DENND5B: variants seen among roughly 807,000 people sequenced by gnomAD.
DENND5B encodes DENN domain containing 5B.
In DENND5B, 34 loss-of-function variants were observed where a neutral mutation model predicts 140.6. That is an observed-to-expected ratio of 0.24 (90% CI 0.18 to 0.32). The LOEUF (loss-of-function observed/expected upper bound fraction) is 0.32. DENND5B is among the 10% of genes least tolerant of loss of function. The pLI is 1.00. For synonymous variants in DENND5B, 551 were observed against 562.1 expected (o/e 0.98, Z 0.28); for missense variants, 1,142 against 1,560.2 (o/e 0.73, Z 4.52).
intron 3 of DENND5B, among the ~76,000 whole-genome samples, chr12:31,466,196 C>T (rs915489391): frequency 2.7e-5 from 4 of 150,010 alleles, no homozygotes; most frequent in Admixed American, 1.3e-4. Context: ...CTACTAAAAA[C>T]ACAAAAATTA....
intron 2 of DENND5B, among the ~76,000 whole-genome samples, chr12:31,483,439 C>T (rs1210759161): frequency 1.3e-5 from 2 of 151,320 alleles, no homozygotes; most frequent in African/African-American, 4.9e-5. Flanking sequence ...TTATAGTATA[C>T]ATCTTTTTTT....
rs183569246 is a variant in DENND5B at position 31,493,592 on chromosome 12, G to C, written c.237+2218C>G. Among the ~76,000 whole-genome samples, 655 of 152,274 alleles carry C rather than the reference G, an allele frequency of 4.3e-3. 3 individuals carry two copies. Among genetic ancestry groups the C allele is most frequent in the Admixed American group, 7.8e-3 (119 of 15,298 alleles). The stretch of plus-strand genomic sequence containing the variant: ...GCTCATAATACCAGCATTCTGGGAG[G>C]CTGAAGGAGGGCAGATCACTTGAGG... On this transcript the variant is annotated intron_variant, in intron 2 of 20. Transcript: ENST00000389082.
intron 1 of DENND5B, among the ~76,000 whole-genome samples, chr12:31,496,744 T>C (rs923601011): frequency 1.2e-4 from 18 of 152,064 alleles, no homozygotes; most frequent in East Asian, 5.8e-4. Flanking sequence ...AAGTAAAACA[T>C]TGAAAATTCA....
At chr12:31,396,636 AAGAC>A (rs909767952) in intron 17 of DENND5B, 1 of 152,240 alleles carries the variant, frequency 6.6e-6, no homozygotes, top group African/African-American at 2.4e-5. Flanking sequence ...CCCCCCAAAA[AAGAC>A]AGAGTGTCAC....
intron 1 of DENND5B, among the ~76,000 whole-genome samples, chr12:31,538,201 G>A (rs1301894576): frequency 2.0e-5 from 3 of 152,104 alleles, no homozygotes; most frequent in African/African-American, 7.2e-5. Context: ...TCCCAAAGCT[G>A]CAGAGTACAC....
intron 5 of DENND5B, among the ~76,000 whole-genome samples, chr12:31,449,178 A>G (rs1944402433): frequency 6.6e-6 from 1 of 152,174 alleles, no homozygotes; most frequent in African/African-American, 2.4e-5. Flanking sequence ...GGAAAGAGAA[A>G]TAAGTTCTGA....
chr12:31,398,214 T>C lies in DENND5B; in HGVS notation c.3217A>G (p.Arg1073Gly). 6.2e-7 allele frequency: 1 copy of C among 1,605,332 alleles called. No individual in the cohort carries two copies. The highest frequency in any genetic ancestry group is 8.5e-7 in the Non-Finnish European group (1 of 1,176,010). Residue 1073 changes from arginine to glycine, a missense_variant, in exon 17 of 21, where the codon AGG becomes GGG. Arg to Gly is a moderately radical substitution (Grantham distance 125, BLOSUM62 -2). Transcript: ENST00000389082. ...GTCAGTGAAGTGATGCTCAATCTCC[T>C]AGCCGTGGTGGGTGACTTCTGCTGG... is the stretch of plus-strand genomic sequence containing the variant. ...PPQQKSPTTA[R>G]RLSITSLTGK...
At chr12:31,539,620 GAAC>G (rs1948620102) in intron 1 of DENND5B, among the ~76,000 whole-genome samples, 1 of 151,826 alleles carries the variant, frequency 6.6e-6, no homozygotes, top group South Asian at 2.1e-4. Flanking sequence ...ACAAAATGAA[GAAC>G]AAAAACCATA....
At chr12:31,389,232 A>T in intron 20 of DENND5B, 92 bp downstream of exon 20, 1 of 1,167,416 alleles carries the variant, frequency 8.6e-7, no homozygotes, top group Non-Finnish European at 1.2e-6. Context: ...CCCAAAGGAG[A>T]GCTCTGGAAG....
rs2137737020 is a variant in DENND5B, at chr12:31,425,846, G to C, written c.2238+447C>G. Among the ~76,000 whole-genome samples the C allele has an allele frequency of 1.3e-5, 2 of 152,312 alleles. 1 individual carries two copies. The highest frequency in any genetic ancestry group is 4.1e-4 in the South Asian group (2 of 4,822). On this transcript the variant is annotated intron_variant, in intron 9 of 20. Coordinates refer to ENST00000389082, the MANE Select transcript of DENND5B (RefSeq NM_144973.4). ...CTACCTCCAATAAACACAGGTTTCT[G>C]AGAGGAGAACGTTGTGCAATATACA...
At chr12:31,545,748 G>A (rs1377799057) in intron 1 of DENND5B, among the ~76,000 whole-genome samples, 1 of 151,994 alleles carries the variant, frequency 6.6e-6, no homozygotes, top group African/African-American at 2.4e-5. Context: ...GAGCCCAAGA[G>A]TTTGACACCA....
chr12:31,503,876 T>A (rs1233843501), intron 1 of DENND5B, among the ~76,000 whole-genome samples: 1 of 152,156 alleles, frequency 6.6e-6, no homozygotes, highest in African/African-American at 2.4e-5. Flanking sequence ...TATTTCCCTC[T>A]CTTCCTGTCC....
chr12:31,567,962 T>C (rs1299190244), intron 1 of DENND5B, among the ~76,000 whole-genome samples: 2 of 152,104 alleles, frequency 1.3e-5, no homozygotes, highest in Non-Finnish European at 2.9e-5. Flanking sequence ...ACCTCGGCCT[T>C]CCAAAGTACG....
chr12:31,450,271 A>C (rs1230440141), intron 5 of DENND5B, among the ~76,000 whole-genome samples: 1 of 152,208 alleles, frequency 6.6e-6, no homozygotes, highest in Admixed American at 6.5e-5. Context: ...TACCTGTCTG[A>C]TGTGGGGAAA....
intron 1 of DENND5B, among the ~76,000 whole-genome samples, chr12:31,505,227 GAC>G (rs1256312137): frequency 6.9e-6 from 1 of 144,578 alleles, no homozygotes; most frequent in East Asian, 2.1e-4. Flanking sequence ...CCAAGTATAA[GAC>G]AGAATTTGCC....
Position 31,442,758 on chromosome 12 carries a change from G to A in DENND5B, c.2012+17C>T, listed in dbSNP as rs748482306. Reference sequence around the variant, plus strand: ...TTCATTCCTTCAACCAACTACTCAAGTGAAGAACATGCTTACTTGTTACTG... The same window carrying A: ...TTCATTCCTTCAACCAACTACTCAAATGAAGAACATGCTTACTTGTTACTG... On this transcript the variant is annotated intron_variant, in intron 7 of 20. Coordinates refer to ENST00000389082, the MANE Select transcript of DENND5B (RefSeq NM_144973.4). 2 of 1,609,646 alleles carry A rather than the reference G, an allele frequency of 1.2e-6. No homozygotes were observed. Among genetic ancestry groups the A allele is most frequent in the Non-Finnish European group, 1.7e-6 (2 of 1,177,434 alleles).
intron 4 of DENND5B, among the ~76,000 whole-genome samples, chr12:31,457,466 T>G (rs1030162679): frequency 6.6e-6 from 1 of 152,238 alleles, no homozygotes; most frequent in Non-Finnish European, 1.5e-5. Flanking sequence ...AGAAGTCTTG[T>G]CACTATTTTT....
At chr12:31,433,114 G>A in intron 8 of DENND5B, 41 bp downstream of exon 8, 2 of 1,541,320 alleles carry the variant, frequency 1.3e-6, no homozygotes, top group Non-Finnish European at 1.8e-6. Context: ...CCTAGTTCAT[G>A]GCGCTTGCTG....
intron 17 of DENND5B, among the ~76,000 whole-genome samples, chr12:31,395,942 CAAAAAAA>C (rs541816511): frequency 1.1e-5 from 1 of 91,822 alleles, no homozygotes; most frequent in Non-Finnish European, 2.1e-5. Flanking sequence ...ATCACTGGGC[CAAAAAAA>C]AAAAAAAAAA....
Sources: gnomAD v4.1 joint callset for allele counts (sites outside exome capture counted in the v4.1 genomes callset) on GRCh38, gnomAD v4.1.1 for gene constraint, MANE v1.5 for transcripts, NCBI Gene and HGNC (gene_info 2026-07-23, HGNC 2026-07-21) for gene names.